ITPR2: variants seen among roughly 807,000 people sequenced by gnomAD.
ITPR2 encodes the protein inositol 1,4,5-trisphosphate receptor type 2.
Under a neutral mutation model 317.1 loss-of-function variants are expected in ITPR2, and 207 were observed. The observed-to-expected ratio is 0.65, with a 90% CI of 0.58 to 0.73. The LOEUF (loss-of-function observed/expected upper bound fraction) is 0.73. ITPR2 is among the 30% of genes least tolerant of loss of function. The pLI is 0.00. For missense variants in ITPR2, 2,613 were observed against 3,284.0 expected, an observed-to-expected ratio of 0.80 and a Z score of 4.99; for synonymous variants, 1,156 against 1,149.1, an observed-to-expected ratio of 1.01 and a Z score of -0.12.
chr12:26,556,472 T>C (rs1423270080), intron 35 of ITPR2, 97 bp from the exon 36 acceptor site: 4 of 1,121,170 alleles, frequency 3.6e-6, no homozygotes, highest in East Asian at 2.5e-5. Context: ...GGGAATTTTA[T>C]AGATGCCCCT....
chr12:26,556,469 T>C, intron 35 of ITPR2, 94 bp from the exon 36 acceptor site: 1 of 1,166,230 alleles, frequency 8.6e-7, no homozygotes, highest in African/African-American at 1.6e-5. Flanking sequence ...AATGGGAATT[T>C]TATAGATGCC....
At chr12:26,378,802 T>G (rs1939420433) in intron 55 of ITPR2, among the ~76,000 whole-genome samples, 1 of 152,248 alleles carries the variant, frequency 6.6e-6, no homozygotes, top group African/African-American at 2.4e-5. Flanking sequence ...ATTGTAATAC[T>G]TCTAATCTTT....
chr12:26,660,247 T>C (rs1000511561), intron 15 of ITPR2, among the ~76,000 whole-genome samples: 2 of 152,208 alleles, frequency 1.3e-5, no homozygotes, highest in African/African-American at 4.8e-5. Context: ...TGAGCCATGG[T>C]AAAGGGCAAA....
chr12:26,618,990 T>C (rs1436112637), intron 26 of ITPR2, among the ~76,000 whole-genome samples: 1 of 152,216 alleles, frequency 6.6e-6, no homozygotes, highest in African/African-American at 2.4e-5. Flanking sequence ...AGTGGTTTCC[T>C]CTGTTATATA....
chr12:26,632,007 C>A lies in ITPR2; in HGVS notation c.2793G>T (p.Met931Ile). ...IHGVGEMMTQ[M>I]VLSRGSIFPM... is the part of the protein sequence containing the mutation. ...GGAAGATGGAGCCTCTACTGAGTAC[C>A]ATCTGGGTCATCATCTCTCCCACCC... The change falls in exon 22 of 57, where the codon ATG (methionine) becomes ATT (isoleucine). Residue 931 changes from methionine (M) to isoleucine (I), a missense_variant. By Grantham distance (10) the Met-to-Ile change is conservative. This residue lies in a region of ITPR2 where 817 missense variants were observed against 897.6 expected (regional missense o/e 0.91). Transcript: ENST00000381340. 6.2e-7 allele frequency: 1 copy of A among 1,605,086 alleles called. No homozygotes were observed. Among genetic ancestry groups the A allele is most frequent in the Admixed American group, 1.7e-5 (1 of 58,282 alleles).
chr12:26,387,453 T>C lies in ITPR2; in HGVS notation c.7838A>G (p.Tyr2613Cys). The C allele has an allele frequency of 6.2e-7, 1 of 1,613,718 alleles. No individual in the cohort carries two copies. The highest frequency in any genetic ancestry group is 8.5e-7 in the Non-Finnish European group (1 of 1,179,764). Residue 2613 changes from tyrosine to cysteine, a missense_variant, in exon 55 of 57, where the codon TAT becomes TGT. This residue lies in a region of ITPR2 where 119 missense variants were observed against 144.3 expected (regional missense o/e 0.82). Transcript: ENST00000381340. ...DPTEYTGPES[Y>C]VAQMIVEKNL... ...ACTCACCACAATCATTTGAGCCACA[T>C]AACTTTCAGGTCCAGTGTATTCTGT... is the stretch of plus-strand genomic sequence containing the variant.
intron 1 of ITPR2, among the ~76,000 whole-genome samples, chr12:26,812,852 C>G (rs995473822): frequency 6.6e-6 from 1 of 152,208 alleles, no homozygotes; most frequent in African/African-American, 2.4e-5. Flanking sequence ...AACAACACTG[C>G]CTTTAAAAAG....
At chr12:26,565,484 T>TAGATA (rs529077926) in intron 34 of ITPR2, among the ~76,000 whole-genome samples, 1 of 138,744 alleles carries the variant, frequency 7.2e-6, no homozygotes, top group Admixed American at 7.1e-5. Context: ...GATAGACAGA[T>TAGATA]GATAGATAGA....
intron 24 of ITPR2, chr12:26,623,518 T>C (rs1049410291): frequency 5.3e-5 from 8 of 152,230 alleles, no homozygotes; most frequent in African/African-American, 1.7e-4. Context: ...GCCTAATTTA[T>C]ATATTAAATT....
intron 2 of ITPR2, among the ~76,000 whole-genome samples, chr12:26,758,449 A>G (rs996327003): frequency 1.3e-5 from 2 of 152,168 alleles, no homozygotes; most frequent in African/African-American, 4.8e-5. Flanking sequence ...ATTAATGGGG[A>G]GAAAACAGGA....
intron 32 of ITPR2, among the ~76,000 whole-genome samples, chr12:26,581,963 CA>C (rs1188589170): frequency 6.6e-6 from 1 of 151,998 alleles, no homozygotes; most frequent in South Asian, 2.1e-4. Flanking sequence ...GGGCACTTGC[CA>C]AAAAACCACC....
At chr12:26,662,620 T>C (rs1434466814) in intron 15 of ITPR2, among the ~76,000 whole-genome samples, 1 of 152,244 alleles carries the variant, frequency 6.6e-6, no homozygotes, top group East Asian at 1.9e-4. Context: ...TTTTATACAA[T>C]TGTATGTTAG....
At chr12:26,769,026 C>CACACACACACACACACACA (rs201911951) in intron 2 of ITPR2, among the ~76,000 whole-genome samples, 1 of 149,740 alleles carries the variant, frequency 6.7e-6, no homozygotes, top group Non-Finnish European at 1.5e-5. Context: ...CACACACACA[C>CACACACACACACACACACA]CCCAATCTCA....
At chr12:26,654,161 T>C (rs779818693) in intron 20 of ITPR2, 35 bp from the exon 21 acceptor site, 2 of 1,498,632 alleles carry the variant, frequency 1.3e-6, no homozygotes, top group Non-Finnish European at 1.8e-6. Context: ...AGGGGGAGGG[T>C]GAAAGAGTGG....
At chr12:26,382,218 A>G (rs1939530079) in intron 55 of ITPR2, among the ~76,000 whole-genome samples, 1 of 152,112 alleles carries the variant, frequency 6.6e-6, no homozygotes, top group African/African-American at 2.4e-5. Context: ...CCCAGCAAAC[A>G]CTAGCTCAAA....
At chr12:26,675,878 A>G (rs1255404998) in intron 13 of ITPR2, among the ~76,000 whole-genome samples, 3 of 152,226 alleles carry the variant, frequency 2.0e-5, no homozygotes, top group Non-Finnish European at 2.9e-5. Flanking sequence ...GAGTAATGGC[A>G]AGAGTGCAGT....
At chr12:26,828,095 T>C (rs560528048) in intron 1 of ITPR2, among the ~76,000 whole-genome samples, 44 of 152,292 alleles carry the variant, frequency 2.9e-4, no homozygotes, top group African/African-American at 1.0e-3. Context: ...CAGGAAGACA[T>C]ACTGACATGA....
intron 52 of ITPR2, chr12:26,406,422 T>A (rs1940350505): frequency 7.1e-6 from 1 of 141,698 alleles, no homozygotes; most frequent in Non-Finnish European, 1.5e-5. Flanking sequence ...GCAAATGAAA[T>A]ATGAAGTTTT....
At chr12:26,737,569 A>G (rs568329630) in intron 2 of ITPR2, among the ~76,000 whole-genome samples, 10 of 152,180 alleles carry the variant, frequency 6.6e-5, no homozygotes, top group African/African-American at 2.2e-4. Context: ...CTATTTTTCA[A>G]TGGAAACTGT....
Sources: allele counts gnomAD v4.1 joint callset (sites outside exome capture counted in the v4.1 genomes callset), GRCh38; gene constraint gnomAD v4.1.1; regional missense constraint gnomAD v4.1.1; transcripts MANE v1.5; gene names NCBI Gene and HGNC (gene_info 2026-07-23, HGNC 2026-07-21).